DAB1: variants seen among roughly 807,000 people sequenced by gnomAD.
DAB1 encodes disabled homolog 1.
Under a neutral mutation model 64.6 loss-of-function variants are expected in DAB1, and 15 were observed. The observed-to-expected ratio is 0.23, with a 90% CI of 0.16 to 0.36. The LOEUF (loss-of-function observed/expected upper bound fraction) is 0.36. Among genes scored for constraint, DAB1 ranks in the 10% least tolerant of loss-of-function variants. The pLI, the probability that DAB1 is intolerant of heterozygous loss-of-function variation, is 1.00. For missense variants in DAB1, 596 were observed against 706.7 expected (o/e 0.84, Z 1.78); for synonymous variants, 235 against 251.9 (o/e 0.93, Z 0.64).
Position 58,033,696 on chromosome 1 carries a change from G to A in DAB1, n.387+116815C>T, listed in dbSNP as rs142706560. Among the ~76,000 whole-genome samples the A allele has an allele frequency of 2.9e-3, 436 of 152,258 alleles. 1 individual carries two copies. The highest frequency in any genetic ancestry group is 9.7e-3 in the African/African-American group (405 of 41,544). ...AAAGTACTGTATAAATATTTGTTGA[G>A]TAGATTAATTAAGAGTGACATTAAA... On this transcript the variant is annotated intron_variant and non_coding_transcript_variant, in intron 5 of 20. Transcript: ENST00000485760.
intron 5 of DAB1, among the ~76,000 whole-genome samples, chr1:58,017,069 A>G (rs1646751145): frequency 6.6e-6 from 1 of 152,022 alleles, no homozygotes; most frequent in Non-Finnish European, 1.5e-5. Context: ...CAGCACCATA[A>G]TGGGAGGCAT....
At chr1:57,339,165 T>G (rs1033490638) in intron 1 of DAB1, among the ~76,000 whole-genome samples, 5 of 151,238 alleles carry the variant, frequency 3.3e-5, no homozygotes, top group Admixed American at 2.6e-4. Context: ...ATTATTATTT[T>G]TTTTTTTCGA....
intron 2 of DAB1, among the ~76,000 whole-genome samples, chr1:57,145,908 C>T (rs1345448674): frequency 6.6e-6 from 1 of 152,180 alleles, no homozygotes; most frequent in Non-Finnish European, 1.5e-5. Context: ...TCCATGAGCT[C>T]TTTCACAGTG....
chr1:58,198,193 T>C (rs1255874608), intron 4 of DAB1, among the ~76,000 whole-genome samples: 2 of 152,196 alleles, frequency 1.3e-5, no homozygotes, highest in East Asian at 1.9e-4. Context: ...TAGCAGCATA[T>C]CCCTTGAGGA....
In DAB1 at chr1:57,942,511, C is replaced by G. The variant is rs143662135; in HGVS notation, n.388-58349G>C. 1.5e-3 allele frequency among the ~76,000 whole-genome samples: 223 copies of G among 152,268 alleles called. 1 individual carries two copies. The highest frequency in any genetic ancestry group is 4.6e-3 in the African/African-American group (192 of 41,554). On this transcript the variant is annotated intron_variant and non_coding_transcript_variant, in intron 5 of 20. Transcript: ENST00000485760. ...CAGATCCTACATTCCTTTTTCTCTT[C>G]TTGTATCTATGAATCTGACCTGCCA... is the stretch of plus-strand genomic sequence containing the variant.
chr1:57,425,296 G>A (rs901150184), upstream of DAB1, among the ~76,000 whole-genome samples: 3 of 152,130 alleles, frequency 2.0e-5, no homozygotes, highest in African/African-American at 7.2e-5. Context: ...CTACACTCCT[G>A]TCTTCCAGCT....
Position 57,057,916 on chromosome 1 carries a change from CTTAA to C in DAB1, c.723+4964_723+4967del, listed in dbSNP as rs1649999682. On this transcript the variant is annotated intron_variant, in intron 9 of 14. Coordinates refer to ENST00000371236, the MANE Select transcript of DAB1 (RefSeq NM_001365792.1). ...AGCCACCGCGCCCGGCCTACTGATT[CTTAA>C]TTCTATCAGATTGTGTCCCTAATAT... 2.6e-5 allele frequency among the ~76,000 whole-genome samples: 4 copies of C among 152,146 alleles called. No homozygotes were observed. The South Asian group carries it at 8.3e-4, about 32-fold the overall frequency.
At chr1:57,998,771 C>G (rs1482156380) in intron 5 of DAB1, among the ~76,000 whole-genome samples, 1 of 152,180 alleles carries the variant, frequency 6.6e-6, no homozygotes, top group Non-Finnish European at 1.5e-5. Flanking sequence ...ATGAAAAATG[C>G]AAAGTCCTTT....
At chr1:57,956,312 C>T (rs1645392805) in intron 5 of DAB1, among the ~76,000 whole-genome samples, 1 of 152,026 alleles carries the variant, frequency 6.6e-6, no homozygotes, top group South Asian at 2.1e-4. Context: ...GAGGTTACCA[C>T]CCCAGGCTAG....
chr1:58,207,955 C>T (rs2100283521), intron 4 of DAB1, among the ~76,000 whole-genome samples: 1 of 152,208 alleles, frequency 6.6e-6, no homozygotes, highest in East Asian at 1.9e-4. Flanking sequence ...GCTGGGGAAG[C>T]CTCAGGAAAC....
intron 4 of DAB1, among the ~76,000 whole-genome samples, chr1:57,133,836 C>G (rs150333473): frequency 5.5e-4 from 84 of 152,252 alleles, no homozygotes; most frequent in African/African-American, 1.8e-3. Context: ...CAGTTTTCCA[C>G]TTCTTTGATA....
intron 7 of DAB1, among the ~76,000 whole-genome samples, chr1:57,465,110 A>G (rs1217601707): frequency 6.6e-6 from 1 of 152,200 alleles, no homozygotes; most frequent in Admixed American, 6.5e-5. Flanking sequence ...CCTGTCCTCT[A>G]GTTCATCAAA....
chr1:57,650,218 C>T (rs930169596), intron 6 of DAB1, among the ~76,000 whole-genome samples: 92 of 152,286 alleles, frequency 6.0e-4, no homozygotes, highest in African/African-American at 2.1e-3. Context: ...AATCATGGCT[C>T]ACTGCAGCCT....
At chr1:58,214,902 A>G (rs1369743255) in intron 4 of DAB1, among the ~76,000 whole-genome samples, 3 of 152,092 alleles carry the variant, frequency 2.0e-5, no homozygotes, top group African/African-American at 7.2e-5. Context: ...GCAATCCTGG[A>G]AAATCTAATC....
At chr1:57,070,421 C>T (rs879435518) in intron 7 of DAB1, among the ~76,000 whole-genome samples, 1 of 152,210 alleles carries the variant, frequency 6.6e-6, no homozygotes, top group Admixed American at 6.5e-5. Flanking sequence ...GAGAGATCAT[C>T]TCCCTACCCA....
intron 4 of DAB1, among the ~76,000 whole-genome samples, chr1:58,165,372 A>C (rs1031373648): frequency 6.6e-6 from 1 of 152,136 alleles, no homozygotes; most frequent in African/African-American, 2.4e-5. Flanking sequence ...ACCTCTCTCC[A>C]TCTGTTTGCC....
chr1:57,887,406 G>A (rs552413244), upstream of DAB1, among the ~76,000 whole-genome samples: 31 of 152,110 alleles, frequency 2.0e-4, no homozygotes, highest in South Asian at 4.2e-4. Flanking sequence ...ATAAATACCC[G>A]AATGATAACA....
intron 7 of DAB1, among the ~76,000 whole-genome samples, chr1:57,538,790 C>T (rs996608364): frequency 3.9e-5 from 6 of 152,100 alleles, no homozygotes; most frequent in Non-Finnish European, 5.9e-5. Flanking sequence ...GAGGGCAGAG[C>T]AGCAAACAAA....
intron 7 of DAB1, among the ~76,000 whole-genome samples, chr1:57,590,798 C>G (rs1391969392): frequency 2.0e-5 from 3 of 150,706 alleles, no homozygotes; most frequent in Non-Finnish European, 3.0e-5. Flanking sequence ...CTCACATATT[C>G]TTACCCTATG....
Sources: gnomAD v4.1 joint callset for allele counts (sites outside exome capture counted in the v4.1 genomes callset) on GRCh38, gnomAD v4.1.1 for gene constraint, MANE v1.5 for transcripts, NCBI Gene and HGNC (gene_info 2026-07-23, HGNC 2026-07-21) for gene names.